Variants in SLC24A4 observed in about 807,000 individuals in gnomAD.
SLC24A4 encodes the protein sodium/potassium/calcium exchanger 4.
A neutral mutation model predicts 79.0 loss-of-function variants in SLC24A4; 53 were observed. The ratio of observed to expected loss-of-function variants is 0.67; its 90% CI spans 0.54 to 0.84. The LOEUF is 0.84. Among genes scored for constraint, SLC24A4 ranks in the 40% least tolerant of loss-of-function variants. SLC24A4 has a pLI of 0.00. For synonymous variants in SLC24A4, 323 were observed against 323.8 expected, an observed-to-expected ratio of 1.00 and a Z score of 0.03; for missense variants, 731 against 822.0, an observed-to-expected ratio of 0.89 and a Z score of 1.35.
At position 92,493,623 on chromosome 14, in the gene SLC24A4, G is replaced by C; in HGVS notation, c.1864G>C (p.Asp622His). 2 of 1,614,124 alleles carry C rather than the reference G, an allele frequency of 1.2e-6. No individual in the cohort carries two copies. The highest frequency in any genetic ancestry group is 1.7e-6 in the Non-Finnish European group (2 of 1,179,992). The change falls in exon 17 of 17, where the codon GAT becomes CAT. Residue 622 changes from aspartate to histidine, a missense_variant. Physicochemically the swap from Asp to His is moderately conservative, Grantham distance 81. Transcript: ENST00000532405. Reference sequence around the variant, plus strand: ...CAACTTGCCGATGTGCCGGGAAGACGATTAGCGCTGAGTCGCGGCCCCTGG... The same window carrying C: ...CAACTTGCCGATGTGCCGGGAAGACCATTAGCGCTGAGTCGCGGCCCCTGG... ...FVNLPMCREDD is the reference protein window; with the variant it reads ...FVNLPMCREDH
intron 2 of SLC24A4, among the ~76,000 whole-genome samples, chr14:92,347,103 G>A (rs571372426): frequency 2.0e-5 from 3 of 152,152 alleles, no homozygotes; most frequent in Admixed American, 1.3e-4. Context: ...CTTTACAATC[G>A]ACTCTATATT....
intron 2 of SLC24A4, among the ~76,000 whole-genome samples, chr14:92,359,172 G>T (rs191820099): frequency 5.3e-5 from 8 of 152,286 alleles, no homozygotes; most frequent in Admixed American, 5.2e-4. Flanking sequence ...GCCTAGCCTA[G>T]CAGGCTTACC....
In SLC24A4 at chr14:92,433,991, A is replaced by G; in HGVS notation, c.318+3A>G. 1 of 1,613,736 alleles carries G rather than the reference A, an allele frequency of 6.2e-7. No homozygotes were observed. Among genetic ancestry groups the G allele is most frequent in the Non-Finnish European group, 8.5e-7 (1 of 1,179,586 alleles). On this transcript the variant is annotated splice_donor_region_variant and intron_variant, in intron 3 of 16. Coordinates refer to ENST00000532405, the MANE Select transcript of SLC24A4 (RefSeq NM_153646.4). ...CCGTCCTGCTGCACATCCTTGGTGT[A>G]AGTCGTCCTCCCAGAGTGGTCACAA...
intron 2 of SLC24A4, among the ~76,000 whole-genome samples, chr14:92,404,853 C>T (rs950837690): frequency 5.9e-5 from 9 of 152,304 alleles, no homozygotes; most frequent in African/African-American, 2.2e-4. Flanking sequence ...GATCACATCT[C>T]TCTTGTCCTC....
At chr14:92,454,822 C>T (rs187902085) in intron 11 of SLC24A4, among the ~76,000 whole-genome samples, 2 of 152,296 alleles carry the variant, frequency 1.3e-5, no homozygotes, top group Non-Finnish European at 2.9e-5. Context: ...AAAGGAAACA[C>T]CTTTCCAAAG....
At chr14:92,455,802 G>A (rs11623983) in intron 11 of SLC24A4, among the ~76,000 whole-genome samples, 58,872 of 151,808 alleles carry the variant, frequency 0.39, 11,619 homozygotes, top group Middle Eastern at 0.46. Context: ...CCGGGTTCAA[G>A]CGATTCTCCT....
intron 12 of SLC24A4, among the ~76,000 whole-genome samples, chr14:92,472,340 G>A (rs920262358): frequency 2.6e-5 from 4 of 152,042 alleles, no homozygotes; most frequent in African/African-American, 9.7e-5. Flanking sequence ...AGATTTTCGT[G>A]CACGCATCAC....
chr14:92,376,179 G>A (rs1270411518), intron 2 of SLC24A4, among the ~76,000 whole-genome samples: 1 of 152,222 alleles, frequency 6.6e-6, no homozygotes, highest in Non-Finnish European at 1.5e-5. Context: ...GCAGACGAGG[G>A]TTCAAATCCT....
chr14:92,488,025 CCCTT>C (rs142459186), intron 14 of SLC24A4, among the ~76,000 whole-genome samples: 28,126 of 148,680 alleles, frequency 0.19, 2,843 homozygotes, highest in East Asian at 0.3. Context: ...CCTCCTCCTC[CCCTT>C]CCTTCCTTCC....
chr14:92,453,710 T>G, intron 10 of SLC24A4, 190 bp from the exon 11 acceptor site: 1 of 541,784 alleles, frequency 1.8e-6, no homozygotes, highest in Non-Finnish European at 3.2e-6. Flanking sequence ...GGTCAGCAGG[T>G]GTTTCAAAGC....
At chr14:92,384,226 A>G in intron 2 of SLC24A4, among the ~76,000 whole-genome samples, 1 of 152,196 alleles carries the variant, frequency 6.6e-6, no homozygotes, top group South Asian at 2.1e-4. Context: ...ATAAGAAAGG[A>G]AAATGACAGG....
At chr14:92,351,693 C>T (rs11625904) in intron 2 of SLC24A4, among the ~76,000 whole-genome samples, 18,419 of 151,816 alleles carry the variant, frequency 0.12, 1,174 homozygotes, top group Admixed American at 0.14. Context: ...CCCATCTCTA[C>T]TAAAAATACT....
intron 12 of SLC24A4, among the ~76,000 whole-genome samples, chr14:92,469,712 A>G (rs1016435213): frequency 1.3e-5 from 2 of 152,234 alleles, no homozygotes; most frequent in African/African-American, 4.8e-5. Flanking sequence ...GTATATCCAT[A>G]TAATAGAATA....
At chr14:92,491,926 G>A (rs1296036148) in intron 15 of SLC24A4, 149 bp downstream of exon 15, 3 of 700,684 alleles carry the variant, frequency 4.3e-6, no homozygotes, top group African/African-American at 3.6e-5. Context: ...AGCACCTTAG[G>A]GATGTCTACA....
intron 3 of SLC24A4, among the ~76,000 whole-genome samples, chr14:92,438,252 C>T (rs1236944376): frequency 1.3e-5 from 2 of 152,164 alleles, no homozygotes; most frequent in Admixed American, 6.5e-5. Context: ...TAGAGCGGCT[C>T]GCAGAATTCA....
At chr14:92,408,325 G>T (rs1367888224) in intron 2 of SLC24A4, 1 of 925,466 alleles carries the variant, frequency 1.1e-6, no homozygotes, top group Admixed American at 6.2e-5. Context: ...GGGCCTATCT[G>T]TTTAAGGAAA....
At chr14:92,474,865 T>A (rs28550328) in intron 12 of SLC24A4, among the ~76,000 whole-genome samples, 394 of 30,490 alleles carry the variant, frequency 0.013, 8 homozygotes, top group East Asian at 0.078. Flanking sequence ...ATATATATAT[T>A]TTTTTTTTTT....
At chr14:92,394,264 T>TG (rs1889649386) in intron 2 of SLC24A4, among the ~76,000 whole-genome samples, 1 of 152,122 alleles carries the variant, frequency 6.6e-6, no homozygotes, top group Admixed American at 6.5e-5. Context: ...TTTCTTGGTT[T>TG]GGGGAAATCA....
At chr14:92,354,397 C>T (rs867711739) in intron 2 of SLC24A4, among the ~76,000 whole-genome samples, 1 of 151,950 alleles carries the variant, frequency 6.6e-6, no homozygotes, top group Non-Finnish European at 1.5e-5. Context: ...GTGATCTGCC[C>T]GCCTCGACTT....
Sources: gnomAD v4.1 joint callset for allele counts (sites outside exome capture counted in the v4.1 genomes callset) on GRCh38, gnomAD v4.1.1 for gene constraint, MANE v1.5 for transcripts, NCBI Gene and HGNC (gene_info 2026-07-23, HGNC 2026-07-21) for gene names.